Variants in WWTR1 observed in about 807,000 individuals in gnomAD.
WWTR1 encodes the protein WW domain-containing transcription regulator protein 1.
Under a neutral mutation model 40.1 loss-of-function variants are expected in WWTR1, and 13 were observed. The observed-to-expected ratio is 0.32, with a 90% CI of 0.21 to 0.52. The LOEUF (loss-of-function observed/expected upper bound fraction) is 0.52, where lower values mean the gene tolerates loss of function less well. WWTR1 is among the 20% of genes least tolerant of loss of function. WWTR1 has a pLI of 0.97. For synonymous variants in WWTR1, 230 were observed against 210.1 expected (o/e 1.09, Z -0.82); for missense variants, 436 against 523.1 (o/e 0.83, Z 1.63).
chr3:149,617,733 G>T (rs540457031), intron 2 of WWTR1, among the ~76,000 whole-genome samples: 1 of 152,306 alleles, frequency 6.6e-6, no homozygotes, highest in East Asian at 1.9e-4. Flanking sequence ...CCGGGAGGTG[G>T]AGGTTAACAG....
intron 6 of WWTR1, among the ~76,000 whole-genome samples, chr3:149,521,440 T>C (rs890082044): frequency 1.3e-5 from 2 of 152,232 alleles, no homozygotes; most frequent in Admixed American, 1.3e-4. Flanking sequence ...TCTTCATTGA[T>C]GACTTTAGGC....
chr3:149,640,499 C>A (rs770584355), intron 2 of WWTR1, among the ~76,000 whole-genome samples: 1 of 152,130 alleles, frequency 6.6e-6, no homozygotes, highest in African/African-American at 2.4e-5. Context: ...TGGCTCACTG[C>A]AACCTCTGCC....
intron 2 of WWTR1, among the ~76,000 whole-genome samples, chr3:149,603,120 A>G: frequency 6.6e-6 from 1 of 152,228 alleles, no homozygotes; most frequent in East Asian, 1.9e-4. Flanking sequence ...AGGAGACTCT[A>G]AAGTTAATAA....
intron 2 of WWTR1, among the ~76,000 whole-genome samples, chr3:149,594,025 T>G (rs1738857202): frequency 6.6e-6 from 1 of 152,174 alleles, no homozygotes; most frequent in Non-Finnish European, 1.5e-5. Context: ...GTTTCTTGGG[T>G]CAGAGACCTG....
At position 149,657,031 on chromosome 3, in the gene WWTR1, C is replaced by A. The variant is rs764600809; in HGVS notation, c.276G>T (p.Ala92=). 4.4e-6 allele frequency: 7 copies of A among 1,586,832 alleles called. No individual in the cohort carries two copies. In the Admixed American group the frequency reaches 1.1e-4, roughly 24 times the overall value. The stretch of plus-strand genomic sequence containing the variant: ...CCGCGCCGGTGCCCAGCTGCAGGGA[C>A]GCGGGCGACGAGTGCGAGCGGACAT... ...AQHVRSHSSP[A]SLQLGTGAGA... The change falls in exon 2 of 7, where the codon GCG becomes GCT. Residue 92 remains alanine, a synonymous_variant. Transcript: ENST00000360632.
intron 2 of WWTR1, among the ~76,000 whole-genome samples, chr3:149,666,194 T>C (rs572050356): frequency 1.4e-5 from 2 of 148,054 alleles, no homozygotes; most frequent in African/African-American, 2.5e-5. Context: ...GTCAAGTATA[T>C]ATGGGCTCTA....
intron 2 of WWTR1, among the ~76,000 whole-genome samples, chr3:149,637,179 G>A (rs1198267305): frequency 6.6e-6 from 1 of 151,132 alleles, no homozygotes; most frequent in African/African-American, 2.4e-5. Flanking sequence ...ATCAATTTCT[G>A]CCTGTGACCA....
At chr3:149,619,794 A>T (rs1484765283) in intron 2 of WWTR1, among the ~76,000 whole-genome samples, 1 of 152,312 alleles carries the variant, frequency 6.6e-6, no homozygotes, top group South Asian at 2.1e-4. Context: ...TTGCCCAAAA[A>T]TGTGGTGGCC....
chr3:149,597,543 G>T (rs1739056271), intron 2 of WWTR1, among the ~76,000 whole-genome samples: 1 of 152,120 alleles, frequency 6.6e-6, no homozygotes, highest in South Asian at 2.1e-4. Flanking sequence ...GCCTCGAGAG[G>T]CTGGGGTGGA....
intron 5 of WWTR1, among the ~76,000 whole-genome samples, chr3:149,526,981 C>T (rs914628395): frequency 3.9e-5 from 6 of 152,236 alleles, no homozygotes; most frequent in East Asian, 3.9e-4. Context: ...ACATAGAAGA[C>T]GCAACAAGAG....
intron 2 of WWTR1, among the ~76,000 whole-genome samples, chr3:149,609,827 T>G (rs1207536041): frequency 1.3e-5 from 2 of 152,254 alleles, no homozygotes; most frequent in Admixed American, 6.5e-5. Flanking sequence ...CACAGCAAAC[T>G]ATTGTTTTTA....
At chr3:149,696,366 T>C (rs1343236936) in intron 1 of WWTR1, among the ~76,000 whole-genome samples, 1 of 152,160 alleles carries the variant, frequency 6.6e-6, no homozygotes, top group Non-Finnish European at 1.5e-5. Context: ...AAATGCTTAA[T>C]ATATGTGGGA....
chr3:149,572,658 T>C (rs1280178173), intron 3 of WWTR1, among the ~76,000 whole-genome samples: 1 of 151,870 alleles, frequency 6.6e-6, no homozygotes, highest in Non-Finnish European at 1.5e-5. Flanking sequence ...CACCCCTTGA[T>C]TGAACACCAT....
chr3:149,630,796 G>A (rs1023972988), intron 2 of WWTR1, among the ~76,000 whole-genome samples: 1 of 152,098 alleles, frequency 6.6e-6, no homozygotes, highest in Non-Finnish European at 1.5e-5. Context: ...AGTCACGCCA[G>A]GAATGACGTC....
intron 2 of WWTR1, among the ~76,000 whole-genome samples, chr3:149,588,033 A>G (rs775639177): frequency 2.6e-5 from 4 of 152,214 alleles, no homozygotes; most frequent in Non-Finnish European, 5.9e-5. Flanking sequence ...AAACAATTAG[A>G]TGGGAATGAC....
At chr3:149,528,115 T>C in intron 4 of WWTR1, 146 bp from the exon 5 acceptor site, 1 of 1,057,842 alleles carries the variant, frequency 9.5e-7, no homozygotes, top group Non-Finnish European at 1.3e-6. Flanking sequence ...ACCATTAGTA[T>C]TCTTTCTCCG....
chr3:149,638,540 A>T (rs968540956), intron 2 of WWTR1, among the ~76,000 whole-genome samples: 1 of 152,102 alleles, frequency 6.6e-6, no homozygotes, highest in Admixed American at 6.5e-5. Context: ...AATGTTAAAA[A>T]TGACTCCTTT....
At chr3:149,637,027 C>T (rs1399597881) in intron 2 of WWTR1, among the ~76,000 whole-genome samples, 1 of 143,794 alleles carries the variant, frequency 7.0e-6, no homozygotes, top group Non-Finnish European at 1.5e-5. Flanking sequence ...AGATTTGGTT[C>T]TTGTCACTAT....
intron 2 of WWTR1, among the ~76,000 whole-genome samples, chr3:149,588,801 C>T (rs1200481722): frequency 6.6e-6 from 1 of 152,180 alleles, no homozygotes; most frequent in Non-Finnish European, 1.5e-5. Context: ...TATACCTGCT[C>T]ATTACAGCCT....
Sources: gnomAD v4.1 joint callset for allele counts (sites outside exome capture counted in the v4.1 genomes callset) on GRCh38, gnomAD v4.1.1 for gene constraint, MANE v1.5 for transcripts, NCBI Gene and HGNC (gene_info 2026-07-23, HGNC 2026-07-21) for gene names.